TENM1: variants seen among roughly 807,000 people sequenced by gnomAD.
The protein encoded by TENM1 is teneurin-1.
In TENM1, 35 loss-of-function variants were observed where a neutral mutation model predicts 174.8. That is an observed-to-expected ratio of 0.20 (90% CI 0.15 to 0.27). TENM1 has a LOEUF of 0.27. TENM1 is among the 10% of genes least tolerant of loss of function. The pLI, the probability that TENM1 is intolerant of heterozygous loss-of-function variation, is 1.00. For synonymous variants in TENM1, 781 were observed against 798.7 expected, an observed-to-expected ratio of 0.98 and a Z score of 0.37; for missense variants, 1,633 against 2,130.1, an observed-to-expected ratio of 0.77 and a Z score of 4.59.
intron 3 of TENM1, among the ~76,000 whole-genome samples, chrX:124,810,795 A>G (rs1196302843): frequency 8.9e-6 from 1 of 111,751 alleles, no homozygotes; most frequent in Admixed American, 9.5e-5. Flanking sequence ...ACTTCAAAAT[A>G]TATTACAAAG....
intron 3 of TENM1, among the ~76,000 whole-genome samples, chrX:124,786,929 T>C (rs1211674069): frequency 8.9e-6 from 1 of 111,947 alleles, no homozygotes; most frequent in Non-Finnish European, 1.9e-5. Context: ...TATGTACTAT[T>C]CTTTAAAAAA....
At chrX:124,442,787 G>A (rs1039150623) in intron 23 of TENM1, among the ~76,000 whole-genome samples, 1 of 110,278 alleles carries the variant, frequency 9.1e-6, no homozygotes, top group East Asian at 2.8e-4. Context: ...TTAGCCTCCC[G>A]TGTAGCTGGG....
At chrX:124,766,554 C>A (rs143008616) in intron 3 of TENM1, among the ~76,000 whole-genome samples, 6,001 of 111,100 alleles carry the variant, frequency 0.054, 252 homozygotes, top group African/African-American at 0.13. Flanking sequence ...TTCAAGAGTA[C>A]TTTGTGCCAC....
intron 11 of TENM1, among the ~76,000 whole-genome samples, chrX:124,628,259 T>C (rs775762744): frequency 9.0e-6 from 1 of 111,107 alleles, no homozygotes; most frequent in Non-Finnish European, 1.9e-5. Context: ...GGCGTTGGAA[T>C]AGAATCAGTT....
At chrX:124,990,824 T>C in the TENM1 span, among the ~76,000 whole-genome samples, 1 of 111,912 alleles carries the variant, frequency 8.9e-6, no homozygotes, top group African/African-American at 3.2e-5. Flanking sequence ...TACAATTTAA[T>C]GTGAGTGAGG....
chrX:125,048,277 T>G, the TENM1 span, among the ~76,000 whole-genome samples: 2 of 78,012 alleles, frequency 2.6e-5, no homozygotes, highest in African/African-American at 1.0e-4. Flanking sequence ...TGAGATGGGG[T>G]CTCACTATGT....
chrX:124,869,766 A>G (rs949267799), intron 3 of TENM1, among the ~76,000 whole-genome samples: 11 of 109,116 alleles, frequency 1.0e-4, no homozygotes, highest in African/African-American at 3.0e-4. Flanking sequence ...GTAGGATCTA[A>G]AAATCAAAAT....
intron 3 of TENM1, among the ~76,000 whole-genome samples, chrX:124,837,894 C>T (rs780935413): frequency 8.9e-6 from 1 of 112,446 alleles, no homozygotes; most frequent in Non-Finnish European, 1.9e-5. Flanking sequence ...CATTGCCAAA[C>T]ATTTTTCATT....
the TENM1 span, among the ~76,000 whole-genome samples, chrX:125,161,288 T>C: frequency 8.9e-6 from 1 of 111,844 alleles, no homozygotes; most frequent in African/African-American, 3.2e-5. Context: ...AGATTACTTA[T>C]AATACCTAAT....
chrX:124,471,281 ATATATAGTAC>A (rs1320832145), intron 22 of TENM1, among the ~76,000 whole-genome samples: 3 of 45,773 alleles, frequency 6.6e-5, no homozygotes, highest in Non-Finnish European at 1.1e-4. Flanking sequence ...ACTATATATA[ATATATAGTAC>A]TATATATTAT....
At chrX:124,586,140 C>G (rs945609823) in intron 11 of TENM1, among the ~76,000 whole-genome samples, 1 of 110,099 alleles carries the variant, frequency 9.1e-6, no homozygotes, top group Non-Finnish European at 1.9e-5. Context: ...CCTTCTGAAA[C>G]TATTCCAATC....
the TENM1 span, among the ~76,000 whole-genome samples, chrX:125,108,752 A>ATATATATATACACAGATGTG: frequency 2.4e-4 from 26 of 109,922 alleles, no homozygotes; most frequent in South Asian, 5.9e-3. Context: ...ACACGTGTAT[A>ATATATATATACACAGATGTG]TATATATATA....
intron 11 of TENM1, among the ~76,000 whole-genome samples, chrX:124,631,469 T>G (rs1163181856): frequency 9.0e-6 from 1 of 111,091 alleles, no homozygotes; most frequent in Non-Finnish European, 1.9e-5. Flanking sequence ...GAATGGACAG[T>G]CTAAGGGAAC....
the TENM1 span, among the ~76,000 whole-genome samples, chrX:125,048,165 C>A: frequency 1.8e-5 from 2 of 110,679 alleles, no homozygotes; most frequent in Admixed American, 1.9e-4. Context: ...TAGGTAATTC[C>A]AGAAACAGGG....
At chrX:124,582,771 C>T (rs1365727419) in intron 11 of TENM1, among the ~76,000 whole-genome samples, 1 of 112,024 alleles carries the variant, frequency 8.9e-6, no homozygotes, top group Non-Finnish European at 1.9e-5. Flanking sequence ...CAGGGAGTTC[C>T]CTTTCCTAGT....
At chrX:125,182,458 G>T in the TENM1 span, among the ~76,000 whole-genome samples, 4 of 89,373 alleles carry the variant, frequency 4.5e-5, no homozygotes, top group Non-Finnish European at 8.9e-5. Flanking sequence ...GCGGGCGGGG[G>T]GGGGGGCATT....
chrX:124,627,954 T>C, intron 11 of TENM1, among the ~76,000 whole-genome samples: 1 of 111,870 alleles, frequency 8.9e-6, no homozygotes. Flanking sequence ...TCCACTGTCA[T>C]TTCATATTTG....
chrX:124,648,942 A>G (rs1481920524), intron 8 of TENM1, among the ~76,000 whole-genome samples: 3 of 111,828 alleles, frequency 2.7e-5, no homozygotes, highest in African/African-American at 9.8e-5. Flanking sequence ...AGGGCTTTAC[A>G]AAGCTTAACC....
intron 18 of TENM1, among the ~76,000 whole-genome samples, chrX:124,505,394 T>G (rs2047424238): frequency 8.9e-6 from 1 of 111,877 alleles, no homozygotes; most frequent in Non-Finnish European, 1.9e-5. Flanking sequence ...AAATAGACTC[T>G]CAGAGGGGAA....
Sources: gnomAD v4.1 joint callset for allele counts (sites outside exome capture counted in the v4.1 genomes callset) on GRCh38, gnomAD v4.1.1 for gene constraint, MANE v1.5 for transcripts, NCBI Gene and HGNC (gene_info 2026-07-23, HGNC 2026-07-21) for gene names.